The following NXPH1 variants were observed in gnomAD, a reference collection of about 807,000 sequenced individuals.
NXPH1 encodes neurexophilin-1.
In NXPH1, 5 loss-of-function variants were observed where a neutral mutation model predicts 23.7. The ratio of observed to expected loss-of-function variants is 0.21; its 90% confidence interval spans 0.11 to 0.44. NXPH1 has a LOEUF of 0.44. Among genes scored for constraint, NXPH1 ranks in the 20% least tolerant of loss-of-function variants. The probability of loss-of-function intolerance (pLI) is 0.99; values close to 1 mark genes in which losing one functional copy is unlikely to be tolerated. For synonymous variants in NXPH1, 144 were observed against 122.2 expected (o/e 1.18, Z -1.18); for missense variants, 324 against 321.6 (o/e 1.01, Z -0.06).
At chr7:8,718,995 C>T (rs925519968) in intron 2 of NXPH1, among the ~76,000 whole-genome samples, 2 of 152,140 alleles carry the variant, frequency 1.3e-5, no homozygotes, top group East Asian at 1.9e-4. Context: ...AATTGTCCAA[C>T]AGAAGTCTAT....
At chr7:8,448,412 T>C (rs1208216122) in intron 2 of NXPH1, among the ~76,000 whole-genome samples, 1 of 152,238 alleles carries the variant, frequency 6.6e-6, no homozygotes, top group African/African-American at 2.4e-5. Context: ...TAGGGCCATA[T>C]TTTTTGTTTC....
At chr7:8,545,370 C>G (rs1562397811) in intron 2 of NXPH1, among the ~76,000 whole-genome samples, 1 of 150,864 alleles carries the variant, frequency 6.6e-6, no homozygotes, top group Non-Finnish European at 1.5e-5. Context: ...TTATGTTGCT[C>G]AAAATAAAAT....
chr7:8,481,819 C>T (rs553806989), intron 2 of NXPH1, among the ~76,000 whole-genome samples: 2 of 152,192 alleles, frequency 1.3e-5, no homozygotes, highest in Non-Finnish European at 2.9e-5. Flanking sequence ...CAATCCTTGC[C>T]CCACTCCCTC....
chr7:8,510,843 C>T (rs1228586096), intron 2 of NXPH1, among the ~76,000 whole-genome samples: 1 of 152,096 alleles, frequency 6.6e-6, no homozygotes, highest in Non-Finnish European at 1.5e-5. Flanking sequence ...AAAGTATAGT[C>T]TCTCTCAATA....
At chr7:8,525,118 T>C (rs1025541941) in intron 2 of NXPH1, among the ~76,000 whole-genome samples, 2 of 152,184 alleles carry the variant, frequency 1.3e-5, no homozygotes, top group African/African-American at 4.8e-5. Context: ...CTGATAGCGA[T>C]ATGGACAATA....
At chr7:8,516,231 A>G (rs556777150) in intron 2 of NXPH1, among the ~76,000 whole-genome samples, 56 of 152,158 alleles carry the variant, frequency 3.7e-4, no homozygotes, top group African/African-American at 1.3e-3. Context: ...TGGATCGTCT[A>G]CTATATCTCT....
At chr7:8,590,866 A>G (rs1819078913) in intron 2 of NXPH1, among the ~76,000 whole-genome samples, 1 of 151,994 alleles carries the variant, frequency 6.6e-6, no homozygotes, top group Non-Finnish European at 1.5e-5. Context: ...ATAGAAGCTC[A>G]TTTTCTCACT....
chr7:8,651,552 C>A (rs910678927), intron 2 of NXPH1, among the ~76,000 whole-genome samples: 2 of 151,944 alleles, frequency 1.3e-5, no homozygotes, highest in Admixed American at 1.3e-4. Flanking sequence ...ACCACACTGA[C>A]TTCCACAATG....
chr7:8,542,023 A>G (rs1818125697), intron 2 of NXPH1, among the ~76,000 whole-genome samples: 1 of 151,552 alleles, frequency 6.6e-6, no homozygotes, highest in Non-Finnish European at 1.5e-5. Flanking sequence ...AAATAAATGT[A>G]AATAGCCTAA....
chr7:8,436,468 C>T (rs1371300588), intron 2 of NXPH1, among the ~76,000 whole-genome samples: 1 of 152,180 alleles, frequency 6.6e-6, no homozygotes, highest in Non-Finnish European at 1.5e-5. Flanking sequence ...AACAAAGCCG[C>T]GGTCCTTGTC....
intron 2 of NXPH1, among the ~76,000 whole-genome samples, chr7:8,582,643 T>A (rs1442622354): frequency 1.3e-5 from 2 of 152,020 alleles, no homozygotes; most frequent in Admixed American, 1.3e-4. Flanking sequence ...ACTGTGTGAG[T>A]CTGGCTGTGT....
At position 8,510,660 on chromosome 7, in the gene NXPH1, T is replaced by C. The variant is rs572078044; in HGVS notation, c.54+74893T>C. 4.6e-5 allele frequency among the ~76,000 whole-genome samples: 7 copies of C among 152,284 alleles called. No individual in the cohort carries two copies. In the East Asian group the frequency reaches 1.4e-3, roughly 29 times the overall value. On this transcript the variant is annotated intron_variant, in intron 2 of 2. Transcript: ENST00000405863. ...AAGCCTGCTCCTTTTTGAAGAATTA[T>C]ACAAATACATAGTCATATAATGTAT... is the stretch of plus-strand genomic sequence containing the variant.
rs956887045 is a variant in NXPH1, at chr7:8,734,422, T to A, written c.55-16586T>A. Among the ~76,000 whole-genome samples the A allele has an allele frequency of 6.6e-5, 10 of 152,318 alleles. No individual in the cohort carries two copies. In the East Asian group the frequency reaches 1.9e-3, roughly 29 times the overall value. On this transcript the variant is annotated intron_variant, in intron 2 of 2. Coordinates refer to ENST00000405863, the MANE Select transcript of NXPH1 (RefSeq NM_152745.3). ...CTAATTCTGCAAAGAACGTCAATGG[T>A]AGCTTGATGGGGATAGCATTGAATC...
In NXPH1 at chr7:8,658,608, G is replaced by T. The variant is rs555723062; in HGVS notation, c.55-92400G>T. Among the ~76,000 whole-genome samples the T allele has an allele frequency of 4.6e-5, 7 of 152,288 alleles. No individual in the cohort carries two copies. The South Asian group carries it at 1.4e-3, about 32-fold the overall frequency. On this transcript the variant is annotated intron_variant, in intron 2 of 2. Transcript: ENST00000405863. ...TCTTATCTATCCTTGGCTTTGATTT[G>T]TAAGTTATATAATCAAGATGAAAAC...
At chr7:8,618,147 T>C (rs1414140866) in intron 2 of NXPH1, among the ~76,000 whole-genome samples, 1 of 152,184 alleles carries the variant, frequency 6.6e-6, no homozygotes, top group African/African-American at 2.4e-5. Flanking sequence ...CCTACATCTT[T>C]TCTTTGATGT....
chr7:8,527,209 G>GA (rs1209061833), intron 2 of NXPH1, among the ~76,000 whole-genome samples: 19 of 152,298 alleles, frequency 1.2e-4, no homozygotes, highest in Admixed American at 1.1e-3. Flanking sequence ...CTATTATGTG[G>GA]AGATTCTGGT....
At chr7:8,594,312 G>A (rs576796179) in intron 2 of NXPH1, among the ~76,000 whole-genome samples, 58 of 152,154 alleles carry the variant, frequency 3.8e-4, no homozygotes, top group African/African-American at 1.3e-3. Flanking sequence ...TGAAAGGGCC[G>A]TTTTGAAGTT....
At chr7:8,585,316 G>A (rs1272033033) in intron 2 of NXPH1, among the ~76,000 whole-genome samples, 1 of 151,648 alleles carries the variant, frequency 6.6e-6, no homozygotes, top group East Asian at 1.9e-4. Context: ...AATGAGGTAT[G>A]CTTGCTCTGC....
chr7:8,435,675 C>T lies in NXPH1; in HGVS notation c.-39C>T. 1 of 1,602,692 alleles carries T rather than the reference C, an allele frequency of 6.2e-7. No homozygotes were observed. Among genetic ancestry groups the T allele is most frequent in the African/African-American group, 1.3e-5 (1 of 74,826 alleles). Reference sequence around the variant, plus strand: ...CTATGTTTCTGAAGGAACAAAGACTCAAAGAAGGCACCGCCAAGGAAGTTT... The same window carrying T: ...CTATGTTTCTGAAGGAACAAAGACTTAAAGAAGGCACCGCCAAGGAAGTTT... On this transcript the variant is annotated 5_prime_UTR_variant, in exon 2 of 3. Transcript: ENST00000405863. This position sits in a 1 kb window ranked among gnomAD's most constrained non-coding sequence, Gnocchi z 5.9.
Sources: allele counts gnomAD v4.1 joint callset (sites outside exome capture counted in the v4.1 genomes callset), GRCh38; gene constraint gnomAD v4.1.1; non-coding constraint Gnocchi (gnomAD v3.1); transcripts MANE v1.5; gene names NCBI Gene and HGNC (gene_info 2026-07-23, HGNC 2026-07-21).